The following RIMS1 variants were observed in gnomAD, a reference collection of about 807,000 sequenced individuals.
RIMS1 encodes the protein regulating synaptic membrane exocytosis protein 1.
RIMS1 carries 83 observed loss-of-function variants against 214.1 expected under a neutral mutation model. The ratio of observed to expected loss-of-function variants is 0.39; its 90% CI spans 0.32 to 0.47. The LOEUF is 0.47. RIMS1 is among the 20% of genes least tolerant of loss of function. RIMS1 has a pLI of 0.99. For synonymous variants in RIMS1, 793 were observed against 786.8 expected, an observed-to-expected ratio of 1.01 and a Z score of -0.13; for missense variants, 2,050 against 2,161.8, an observed-to-expected ratio of 0.95 and a Z score of 1.03.
chr6:72,366,696 G>C (rs1294426388), intron 29 of RIMS1: 4 of 985,640 alleles, frequency 4.1e-6, no homozygotes, highest in Non-Finnish European at 4.8e-6. Flanking sequence ...GGGTGAGGGA[G>C]GAGGAGAGAG....
intron 2 of RIMS1, among the ~76,000 whole-genome samples, chr6:72,039,140 T>C (rs1165308297): frequency 2.3e-5 from 3 of 128,104 alleles, no homozygotes; most frequent in Non-Finnish European, 4.9e-5. Flanking sequence ...GAAACTACCA[T>C]TCATTAAGGG....
intron 6 of RIMS1, among the ~76,000 whole-genome samples, chr6:72,200,083 T>A (rs1291105434): frequency 2.0e-5 from 3 of 152,124 alleles, no homozygotes; most frequent in Non-Finnish European, 4.4e-5. Context: ...TATCTAATAT[T>A]TCTTTTATTA....
At chr6:71,948,885 C>A (rs9351878) in intron 1 of RIMS1, among the ~76,000 whole-genome samples, 7,714 of 152,124 alleles carry the variant, frequency 0.051, 348 homozygotes, top group East Asian at 0.19. Context: ...AATTCATATC[C>A]CCTTATGTTT....
chr6:72,207,888 C>T (rs753721008), intron 6 of RIMS1, among the ~76,000 whole-genome samples: 4 of 152,082 alleles, frequency 2.6e-5, no homozygotes, highest in Admixed American at 6.6e-5. Flanking sequence ...AATCTCTAAT[C>T]TCCAAGTGCC....
Position 72,291,964 on chromosome 6 carries a change from T to G in RIMS1, c.3768T>G (p.Ser1256=). 1.3e-6 allele frequency: 2 copies of G among 1,562,878 alleles called. No individual in the cohort carries two copies. Among genetic ancestry groups the G allele is most frequent in the Non-Finnish European group, 1.7e-6 (2 of 1,153,780 alleles). ...RMHRQRSPTQ[S]PPADTSFSSR... ...ACCGACAGAGAAGTCCAACACAATC[T>G]CCTCCAGCAGACACATCGTTCAGCA... is the stretch of plus-strand genomic sequence containing the variant. The change falls in exon 26 of 34, where the codon TCT becomes TCG. Residue 1256 remains serine (S), a synonymous_variant. Coordinates refer to ENST00000521978, the MANE Select transcript of RIMS1 (RefSeq NM_014989.7).
chr6:72,258,151 A>C lies in RIMS1; in HGVS notation c.2797A>C (p.Ser933Arg), dbSNP rs761516244. ...PVGYRSSARESKSTTLTVPEQ... is the reference protein window; with the variant it reads ...PVGYRSSARERKSTTLTVPEQ... ...AGGCTATAGGTCTAGTGCTAGAGAAAGTAAATCTACAACATTAACTGTGCC... is the reference window on the plus strand; with the variant it reads ...AGGCTATAGGTCTAGTGCTAGAGAACGTAAATCTACAACATTAACTGTGCC... Residue 933 changes from serine to arginine, a missense_variant, in exon 17 of 34, where the codon AGT (serine) becomes CGT (arginine). By Grantham distance (110) the Ser-to-Arg change is moderately radical. Transcript: ENST00000521978. The C allele has an allele frequency of 1.9e-6, 3 of 1,612,944 alleles. No individual in the cohort carries two copies. Among genetic ancestry groups the C allele is most frequent in the Non-Finnish European group, 2.5e-6 (3 of 1,179,390 alleles).
At chr6:72,195,540 A>G (rs2050721343) in intron 6 of RIMS1, among the ~76,000 whole-genome samples, 1 of 150,944 alleles carries the variant, frequency 6.6e-6, no homozygotes, top group Non-Finnish European at 1.5e-5. Context: ...TTGTGGCAAT[A>G]TGAATAATTG....
chr6:72,043,437 G>A (rs1374759735), intron 2 of RIMS1, among the ~76,000 whole-genome samples: 1 of 151,806 alleles, frequency 6.6e-6, no homozygotes, highest in Non-Finnish European at 1.5e-5. Flanking sequence ...AGTTCCTGAT[G>A]ACCTGTGAGT....
At chr6:71,937,249 AT>A (rs920277226) in intron 1 of RIMS1, among the ~76,000 whole-genome samples, 5 of 151,988 alleles carry the variant, frequency 3.3e-5, no homozygotes, top group African/African-American at 9.7e-5. Flanking sequence ...GTAGATGGAA[AT>A]TTTTTTTAAT....
chr6:72,126,761 TAAAAAAAA>T, intron 4 of RIMS1: 2 of 124,094 alleles, frequency 1.6e-5, no homozygotes, highest in Non-Finnish European at 3.1e-5. Context: ...ATTAAAAAGT[TAAAAAAAA>T]AAAAAAAAAA....
rs763963051 is a variant in RIMS1, at chr6:72,248,134, A to T, written c.2241+7A>T. On this transcript the variant is annotated splice_region_variant and intron_variant, in intron 12 of 33. Transcript: ENST00000521978. ...CTTACCAGGGCAACTTTCTGTATGT[A>T]TTTTTTGTACATGTTGGAGGCTGTT... The T allele has an allele frequency of 6.3e-7, 1 of 1,578,316 alleles. No homozygotes were observed. Among genetic ancestry groups the T allele is most frequent in the Non-Finnish European group, 8.7e-7 (1 of 1,150,050 alleles).
chr6:71,889,948 C>T (rs768253257), intron 1 of RIMS1, among the ~76,000 whole-genome samples: 6 of 152,138 alleles, frequency 3.9e-5, no homozygotes, highest in Non-Finnish European at 7.3e-5. Context: ...ACTTAAAATT[C>T]ACTTGTGTTA....
chr6:72,021,890 C>A (rs1814806162), intron 2 of RIMS1, among the ~76,000 whole-genome samples: 3 of 152,086 alleles, frequency 2.0e-5, no homozygotes, highest in Non-Finnish European at 4.4e-5. Context: ...GAGTAAGTCC[C>A]AGAAGTTGTA....
intron 2 of RIMS1, among the ~76,000 whole-genome samples, chr6:72,015,751 C>G (rs937204813): frequency 2.0e-5 from 3 of 152,014 alleles, no homozygotes; most frequent in East Asian, 1.9e-4. Context: ...ATGGTGAAAC[C>G]CTGTCTCTAC....
intron 6 of RIMS1, among the ~76,000 whole-genome samples, chr6:72,183,919 C>T (rs1392149459): frequency 6.6e-6 from 1 of 152,068 alleles, no homozygotes; most frequent in Non-Finnish European, 1.5e-5. Context: ...TTATAGACTA[C>T]GTGGCGCCAT....
chr6:72,097,987 T>C (rs1198226967), intron 3 of RIMS1, among the ~76,000 whole-genome samples: 1 of 152,182 alleles, frequency 6.6e-6, no homozygotes, highest in African/African-American at 2.4e-5. Flanking sequence ...ATAGATTTCC[T>C]TGATAGAGAT....
intron 4 of RIMS1, among the ~76,000 whole-genome samples, chr6:72,119,388 C>G (rs1270536726): frequency 6.6e-6 from 1 of 151,644 alleles, no homozygotes; most frequent in Non-Finnish European, 1.5e-5. Context: ...ACAATAATAC[C>G]CAAAGCAATC....
chr6:72,224,499 G>C (rs2059587178), intron 6 of RIMS1, among the ~76,000 whole-genome samples: 1 of 152,140 alleles, frequency 6.6e-6, no homozygotes, highest in Admixed American at 6.5e-5. Flanking sequence ...AACAATTTTA[G>C]TCTAGGTCAG....
intron 1 of RIMS1, among the ~76,000 whole-genome samples, chr6:71,934,334 A>G (rs548428634): frequency 1.3e-5 from 2 of 152,324 alleles, no homozygotes; most frequent in South Asian, 4.1e-4. Flanking sequence ...ACATATTAAC[A>G]CTGAATATAG....
Sources: gnomAD v4.1 joint callset for allele counts (sites outside exome capture counted in the v4.1 genomes callset) on GRCh38, gnomAD v4.1.1 for gene constraint, MANE v1.5 for transcripts, NCBI Gene and HGNC (gene_info 2026-07-23, HGNC 2026-07-21) for gene names.